The following R3HDM1 variants were observed in gnomAD, a reference collection of about 807,000 sequenced individuals.
The protein encoded by R3HDM1 is R3H domain containing 1.
R3HDM1 carries 46 observed loss-of-function variants against 141.1 expected under a neutral mutation model. The ratio of observed to expected loss-of-function variants is 0.33; its 90% CI spans 0.26 to 0.42. R3HDM1 has a LOEUF of 0.42. Ranked by LOEUF, R3HDM1 falls within the 10% of genes least tolerant of loss-of-function variation. The pLI is 1.00. For missense variants in R3HDM1, 1,184 were observed against 1,368.3 expected (o/e 0.87, Z 2.12); for synonymous variants, 435 against 472.9 (o/e 0.92, Z 1.04).
chr2:135,664,192 A>G (rs2067163686), intron 19 of R3HDM1, among the ~76,000 whole-genome samples: 1 of 152,134 alleles, frequency 6.6e-6, no homozygotes, highest in Non-Finnish European at 1.5e-5. Flanking sequence ...TTACATTTTT[A>G]TATGGAAACA....
At chr2:135,663,346 C>A (rs2067010852) in intron 19 of R3HDM1, among the ~76,000 whole-genome samples, 2 of 152,142 alleles carry the variant, frequency 1.3e-5, no homozygotes, top group South Asian at 4.1e-4. Flanking sequence ...AAAAGAGAAT[C>A]ATGTCTTTGA....
At chr2:135,569,062 A>T (rs754836933) in intron 1 of R3HDM1, among the ~76,000 whole-genome samples, 1 of 152,184 alleles carries the variant, frequency 6.6e-6, no homozygotes, top group Non-Finnish European at 1.5e-5. Flanking sequence ...ACTGTGGCCT[A>T]TTTAAGTTTC....
intron 1 of R3HDM1, among the ~76,000 whole-genome samples, chr2:135,600,768 C>T (rs756232345): frequency 5.9e-5 from 9 of 152,154 alleles, no homozygotes; most frequent in Non-Finnish European, 1.2e-4. Context: ...AAGTTTTGGT[C>T]ACACATACTG....
chr2:135,639,442 T>C (rs1343869185), intron 14 of R3HDM1, among the ~76,000 whole-genome samples: 15 of 152,306 alleles, frequency 9.8e-5, no homozygotes, highest in Non-Finnish European at 1.3e-4. Context: ...TTATTACTTA[T>C]TCGTAGTTGG....
chr2:135,548,505 A>G (rs1699205073), intron 1 of R3HDM1, among the ~76,000 whole-genome samples: 1 of 152,134 alleles, frequency 6.6e-6, no homozygotes, highest in African/African-American at 2.4e-5. Context: ...CATGTCTACA[A>G]CCCATACATC....
chr2:135,703,340 G>A (rs1313811961), intron 21 of R3HDM1, among the ~76,000 whole-genome samples: 1 of 152,172 alleles, frequency 6.6e-6, no homozygotes, highest in Non-Finnish European at 1.5e-5. Flanking sequence ...AAAACATGAA[G>A]TATGTTTTAT....
chr2:135,708,702 G>A (rs1236244026), intron 21 of R3HDM1, among the ~76,000 whole-genome samples: 2 of 152,154 alleles, frequency 1.3e-5, no homozygotes, highest in South Asian at 2.1e-4. Context: ...GCTCACACCT[G>A]TAATTCCAGC....
intron 7 of R3HDM1, among the ~76,000 whole-genome samples, chr2:135,630,774 A>C (rs2062627724): frequency 6.6e-6 from 1 of 152,168 alleles, no homozygotes. Flanking sequence ...ATGATTTGTA[A>C]AGCTGCTTTT....
chr2:135,583,980 T>C, intron 1 of R3HDM1: 1 of 985,430 alleles, frequency 1.0e-6, no homozygotes, highest in Non-Finnish European at 1.2e-6. Flanking sequence ...TTGCTGGACA[T>C]TCCAAAATGG....
chr2:135,650,360 C>T, intron 17 of R3HDM1: 6 of 984,900 alleles, frequency 6.1e-6, no homozygotes, highest in Non-Finnish European at 7.2e-6. Flanking sequence ...TCTATTTTCT[C>T]CCCAACACTG....
intron 21 of R3HDM1, among the ~76,000 whole-genome samples, chr2:135,697,331 A>AT (rs969349670): frequency 5.9e-5 from 9 of 152,224 alleles, no homozygotes; most frequent in African/African-American, 1.9e-4. Flanking sequence ...AAGGATTATT[A>AT]TTTTTTAACT....
At chr2:135,629,265 G>A (rs1335006874) in intron 7 of R3HDM1, among the ~76,000 whole-genome samples, 7 of 152,084 alleles carry the variant, frequency 4.6e-5, no homozygotes, top group African/African-American at 7.2e-5. Context: ...GCAGGGAGCC[G>A]AGATTGTGCC....
intron 3 of R3HDM1, among the ~76,000 whole-genome samples, chr2:135,609,767 G>A (rs558955684): frequency 1.3e-5 from 2 of 152,114 alleles, no homozygotes; most frequent in South Asian, 4.1e-4. Flanking sequence ...TTAGCCTGGT[G>A]CGGTGGCACA....
chr2:135,556,020 G>A (rs1016037694), intron 1 of R3HDM1, among the ~76,000 whole-genome samples: 9 of 152,002 alleles, frequency 5.9e-5, no homozygotes, highest in Admixed American at 2.6e-4. Flanking sequence ...TGTCCCAAGT[G>A]GGGGGATGGG....
At chr2:135,673,247 G>A (rs1270243375) in intron 19 of R3HDM1, among the ~76,000 whole-genome samples, 2 of 152,196 alleles carry the variant, frequency 1.3e-5, no homozygotes, top group African/African-American at 2.4e-5. Context: ...TGAGGAGCTC[G>A]AGGGTACAGT....
intron 15 of R3HDM1, among the ~76,000 whole-genome samples, chr2:135,642,913 T>C (rs1372020387): frequency 6.6e-6 from 1 of 152,182 alleles, no homozygotes; most frequent in Non-Finnish European, 1.5e-5. Flanking sequence ...ATTACCTTCT[T>C]ATTCTTCAGG....
intron 18 of R3HDM1, among the ~76,000 whole-genome samples, chr2:135,658,410 C>A (rs540021901): frequency 1.3e-5 from 2 of 152,292 alleles, no homozygotes; most frequent in South Asian, 4.1e-4. Context: ...TCGTGATCTG[C>A]CCGCCTCAGC....
intron 17 of R3HDM1, chr2:135,650,485 G>T: frequency 1.0e-6 from 1 of 979,852 alleles, no homozygotes; most frequent in Non-Finnish European, 1.2e-6. Context: ...TGACTGTAAA[G>T]TAATGATACT....
chr2:135,663,909 C>G (rs1280394638), intron 19 of R3HDM1, among the ~76,000 whole-genome samples: 1 of 151,754 alleles, frequency 6.6e-6, no homozygotes, highest in Non-Finnish European at 1.5e-5. Flanking sequence ...TGGCGCACAC[C>G]TGTAATACCA....
Sources: allele counts gnomAD v4.1 joint callset (sites outside exome capture counted in the v4.1 genomes callset), GRCh38; gene constraint gnomAD v4.1.1; transcripts MANE v1.5; gene names NCBI Gene and HGNC (gene_info 2026-07-23, HGNC 2026-07-21).